The following CRISPLD2 variants were observed in gnomAD, a reference collection of about 807,000 sequenced individuals.
The protein encoded by CRISPLD2 is cysteine rich secretory protein LCCL domain containing 2.
A neutral mutation model predicts 71.1 loss-of-function variants in CRISPLD2; 47 were observed. That is an observed-to-expected ratio of 0.66 (90% CI 0.52 to 0.84). The LOEUF (loss-of-function observed/expected upper bound fraction) is 0.84. Among genes scored for constraint, CRISPLD2 ranks in the 40% least tolerant of loss-of-function variants. The pLI, the probability that CRISPLD2 is intolerant of heterozygous loss-of-function variation, is 0.00. For missense variants in CRISPLD2, 830 were observed against 651.1 expected, an observed-to-expected ratio of 1.27 and a Z score of -2.99; for synonymous variants, 317 against 250.1, an observed-to-expected ratio of 1.27 and a Z score of -2.52.
rs190754258 is a variant in CRISPLD2, at chr16:84,842,612, G to A, written c.241-3174G>A. ...TGGTCTTGAATTCCTGACCTCAGGTGATCCGCCCACCTCAGCCTCCCAAAG... is the reference window on the plus strand; with the variant it reads ...TGGTCTTGAATTCCTGACCTCAGGTAATCCGCCCACCTCAGCCTCCCAAAG... On this transcript the variant is annotated intron_variant, in intron 2 of 14. Transcript: ENST00000262424. 2.5e-3 allele frequency among the ~76,000 whole-genome samples: 384 copies of A among 152,030 alleles called. 3 individuals carry two copies. Among genetic ancestry groups the A allele is most frequent in the African/African-American group, 7.6e-3 (316 of 41,450 alleles).
intron 14 of CRISPLD2, among the ~76,000 whole-genome samples, chr16:84,893,914 G>C (rs1465281832): frequency 6.6e-6 from 1 of 152,216 alleles, no homozygotes; most frequent in Non-Finnish European, 1.5e-5. Context: ...TGGCGAGGGG[G>C]CGGTCACAGG....
At chr16:84,834,195 C>A (rs1261889763) in intron 1 of CRISPLD2, among the ~76,000 whole-genome samples, 1 of 152,138 alleles carries the variant, frequency 6.6e-6, no homozygotes, top group African/African-American at 2.4e-5. Flanking sequence ...GAGGAGATCA[C>A]GGAGGTCAGG....
At chr16:84,845,395 A>C (rs1916884248) in intron 2 of CRISPLD2, among the ~76,000 whole-genome samples, 1 of 152,122 alleles carries the variant, frequency 6.6e-6, no homozygotes, top group South Asian at 2.1e-4. Flanking sequence ...TAAGGAGAGG[A>C]GACTGGGGTC....
intron 6 of CRISPLD2, among the ~76,000 whole-genome samples, chr16:84,855,482 G>T (rs1247730495): frequency 6.6e-6 from 1 of 152,182 alleles, no homozygotes; most frequent in Non-Finnish European, 1.5e-5. Context: ...ACCTAAGTCA[G>T]TCTAGTCTTT....
intron 14 of CRISPLD2, among the ~76,000 whole-genome samples, chr16:84,897,449 T>C (rs939407127): frequency 6.6e-6 from 1 of 152,158 alleles, no homozygotes; most frequent in African/African-American, 2.4e-5. Context: ...AGCAAGACCG[T>C]GTCTCAAAAA....
chr16:84,841,685 C>T (rs955645004), intron 2 of CRISPLD2, among the ~76,000 whole-genome samples: 1 of 151,738 alleles, frequency 6.6e-6, no homozygotes. Context: ...AACCCCCGAC[C>T]CCTGGGTTCA....
At chr16:84,841,319 C>G (rs1467563759) in intron 2 of CRISPLD2, among the ~76,000 whole-genome samples, 1 of 152,114 alleles carries the variant, frequency 6.6e-6, no homozygotes, top group Non-Finnish European at 1.5e-5. Flanking sequence ...AAAGCCACCA[C>G]CGCCTCGTGA....
At chr16:84,852,820 G>A (rs1289809170) in intron 5 of CRISPLD2, among the ~76,000 whole-genome samples, 1 of 152,158 alleles carries the variant, frequency 6.6e-6, no homozygotes, top group East Asian at 1.9e-4. Context: ...TGTAATCCCA[G>A]CCTCCTTTGG....
intron 2 of CRISPLD2, among the ~76,000 whole-genome samples, chr16:84,840,516 T>C (rs1916740892): frequency 6.6e-6 from 1 of 152,080 alleles, no homozygotes. Flanking sequence ...TGTTTGTTTG[T>C]TTGTTTTTGA....
At chr16:84,897,277 C>G (rs1252462293) in intron 14 of CRISPLD2, among the ~76,000 whole-genome samples, 1 of 142,786 alleles carries the variant, frequency 7.0e-6, no homozygotes, top group Non-Finnish European at 1.5e-5. Flanking sequence ...AATCCCATCT[C>G]TACTAAAAAT....
intron 6 of CRISPLD2, among the ~76,000 whole-genome samples, chr16:84,864,522 G>T (rs1325314662): frequency 6.6e-6 from 1 of 152,210 alleles, no homozygotes; most frequent in African/African-American, 2.4e-5. Flanking sequence ...ACAGACACGC[G>T]CCTGGGCAGC....
chr16:84,845,622 T>C (rs1365282323), intron 2 of CRISPLD2, among the ~76,000 whole-genome samples, 164 bp from the exon 3 acceptor site: 1 of 152,244 alleles, frequency 6.6e-6, no homozygotes, highest in African/African-American at 2.4e-5. Context: ...CCGGCACGTC[T>C]GGCCTGCCAC....
intron 3 of CRISPLD2, among the ~76,000 whole-genome samples, chr16:84,848,460 T>TA (rs33922205): frequency 0.038 from 5,506 of 144,854 alleles, 121 homozygotes; most frequent in Non-Finnish European, 0.046. Flanking sequence ...CCCTAGTTAT[T>TA]AAAAAAAAAA....
At chr16:84,894,274 A>G (rs2071686950) in intron 14 of CRISPLD2, among the ~76,000 whole-genome samples, 1 of 152,206 alleles carries the variant, frequency 6.6e-6, no homozygotes, top group Admixed American at 6.5e-5. Context: ...TTCTTGGGGA[A>G]ATGCCGGACA....
At chr16:84,824,830 C>T (rs1277453047) in intron 1 of CRISPLD2, among the ~76,000 whole-genome samples, 7 of 152,144 alleles carry the variant, frequency 4.6e-5, no homozygotes, top group African/African-American at 9.7e-5. Flanking sequence ...TGGGGCCAGG[C>T]GCGGTGGCTC....
intron 2 of CRISPLD2, chr16:84,839,457 A>G (rs907125922): frequency 1.2e-5 from 2 of 164,938 alleles, no homozygotes; most frequent in Admixed American, 5.8e-5. Flanking sequence ...CGTGGTTGCC[A>G]TGACTGTGAG....
intron 14 of CRISPLD2, 44 bp from the exon 15 acceptor site, chr16:84,906,544 C>T: frequency 1.9e-6 from 3 of 1,608,308 alleles, no homozygotes; most frequent in East Asian, 4.5e-5. Flanking sequence ...GCAGGAGGCC[C>T]TCCAGATCTC....
chr16:84,844,826 G>A (rs1326163176), intron 2 of CRISPLD2, among the ~76,000 whole-genome samples: 1 of 152,142 alleles, frequency 6.6e-6, no homozygotes, highest in Non-Finnish European at 1.5e-5. Context: ...CGTGGATAAA[G>A]CCTCCCTGAC....
intron 13 of CRISPLD2, among the ~76,000 whole-genome samples, chr16:84,882,849 A>C (rs1171267754): frequency 6.6e-6 from 1 of 152,222 alleles, no homozygotes; most frequent in Non-Finnish European, 1.5e-5. Flanking sequence ...AGCACGTGGC[A>C]AAGGTGACAA....
Sources: gnomAD v4.1 joint callset for allele counts (sites outside exome capture counted in the v4.1 genomes callset) on GRCh38, gnomAD v4.1.1 for gene constraint, MANE v1.5 for transcripts, NCBI Gene and HGNC (gene_info 2026-07-23, HGNC 2026-07-21) for gene names.